The following DSN1 variants were observed in gnomAD, a reference collection of about 807,000 sequenced individuals.
The protein encoded by DSN1 is DSN1 component of MIS12 kinetochore complex.
In DSN1, 31 loss-of-function variants were observed where a neutral mutation model predicts 45.7. The ratio of observed to expected loss-of-function variants is 0.68; its 90% confidence interval spans 0.51 to 0.92. DSN1 has a LOEUF of 0.92. Among genes scored for constraint, DSN1 ranks in the 40% least tolerant of loss-of-function variants. DSN1 has a pLI of 0.00. For missense variants in DSN1, 394 were observed against 414.2 expected (o/e 0.95, Z 0.42); for synonymous variants, 134 against 142.3 (o/e 0.94, Z 0.41).
At chr20:36,771,214 G>T in intron 2 of DSN1, 21 bp from the exon 3 acceptor site, 1 of 1,567,256 alleles carries the variant, frequency 6.4e-7, no homozygotes, top group Non-Finnish European at 8.6e-7. Context: ...TTATAAAAAA[G>T]TCAAAATACA....
At chr20:36,767,677 G>T (rs754308429) in intron 4 of DSN1, among the ~76,000 whole-genome samples, 28 of 152,228 alleles carry the variant, frequency 1.8e-4, no homozygotes, top group Non-Finnish European at 3.1e-4. Flanking sequence ...GCCGAGGCAG[G>T]CGGATCAGGA....
intron 4 of DSN1, among the ~76,000 whole-genome samples, chr20:36,767,379 G>A (rs1369340243): frequency 3.3e-5 from 5 of 150,646 alleles, no homozygotes; most frequent in African/African-American, 9.7e-5. Context: ...TTTGACTTTC[G>A]GTTCAGGAAA....
chr20:36,758,229 A>G (rs567036847), intron 7 of DSN1, 68 bp from the exon 8 acceptor site: 139 of 1,404,190 alleles, frequency 9.9e-5, no homozygotes, highest in Middle Eastern at 1.8e-4. Flanking sequence ...CACAGTAACA[A>G]TAAGTATGTG....
intron 6 of DSN1, among the ~76,000 whole-genome samples, 186 bp downstream of exon 6, chr20:36,762,275 T>C (rs56024251): frequency 0.041 from 6,236 of 151,474 alleles, 214 homozygotes; most frequent in Non-Finnish European, 0.072. Context: ...CCTGGCTAAT[T>C]TTTTATTTTT....
Position 36,752,656 on chromosome 20 carries a change from C to A in DSN1, c.*132G>T. On this transcript the variant is annotated 3_prime_UTR_variant, in exon 11 of 11. Transcript: ENST00000373750. ...AATTCCATCACTTTTTGAAAAAAGT[C>A]AAAGTGTTCTACAGTCAGTCCTGCC... The A allele has an allele frequency of 1.5e-6, 1 of 647,804 alleles. No homozygotes were observed. The highest frequency in any genetic ancestry group is 2.7e-5 in the East Asian group (1 of 37,632). 40.1% of individuals were successfully genotyped at this position (647,804 alleles called of 1,614,324 possible). A position where few individuals can be genotyped will look rare whatever the true frequency, so the allele number is the denominator to read the frequency against.
intron 5 of DSN1, among the ~76,000 whole-genome samples, chr20:36,763,419 A>C (rs897278638): frequency 1.1e-4 from 17 of 149,310 alleles, no homozygotes; most frequent in African/African-American, 4.2e-4. Context: ...AGAAAAAAAA[A>C]AAAAAAAAAA....
Position 36,765,247 on chromosome 20 carries a change from T to TAAAAAAAA in DSN1, c.502+1514_502+1521dup, listed in dbSNP as rs33998027. On this transcript the variant is annotated intron_variant, in intron 5 of 10. Coordinates refer to ENST00000373750, the MANE Select transcript of DSN1 (RefSeq NM_001145315.2). ...TGCATACGTGCCAAAAGGCTTGTGTTAAAAAAAAAAAAAAAAAAAAAAAAA... is the reference window on the plus strand; with the variant it reads ...TGCATACGTGCCAAAAGGCTTGTGTTAAAAAAAAAAAAAAAAAAAAAAAAAAAAAAAAA... 1.3e-4 allele frequency among the ~76,000 whole-genome samples: 10 copies of TAAAAAAAA among 75,276 alleles called. 2 individuals are homozygous for TAAAAAAAA. Among genetic ancestry groups the TAAAAAAAA allele is most frequent in the African/African-American group, 5.9e-4 (10 of 17,078 alleles). The allele number at this position is 75,276 out of a possible 152,430, so 49.4% of individuals were successfully genotyped here. A position where few individuals can be genotyped will look rare whatever the true frequency, so the allele number is the denominator to read the frequency against.
At chr20:36,767,924 G>A in intron 4 of DSN1, 45 bp downstream of exon 4, 1 of 1,569,046 alleles carries the variant, frequency 6.4e-7, no homozygotes, top group East Asian at 2.2e-5. Context: ...TGTCACAATA[G>A]CAGTTAACAA....
chr20:36,772,821 G>A (rs1987721397), intron 1 of DSN1, among the ~76,000 whole-genome samples: 1 of 152,240 alleles, frequency 6.6e-6, no homozygotes, highest in African/African-American at 2.4e-5. Context: ...TGGTGGTTAT[G>A]CCCCTTGGCC....
intron 7 of DSN1, among the ~76,000 whole-genome samples, 185 bp from the exon 8 acceptor site, chr20:36,758,346 T>A (rs1986786446): frequency 6.6e-6 from 1 of 152,230 alleles, no homozygotes; most frequent in African/African-American, 2.4e-5. Flanking sequence ...GTTCTTCAAG[T>A]CAAATTAATA....
At chr20:36,754,560 T>C (rs1218052482) in intron 10 of DSN1, among the ~76,000 whole-genome samples, 3 of 152,214 alleles carry the variant, frequency 2.0e-5, no homozygotes, top group Admixed American at 1.3e-4. Context: ...ATTCTCAGTC[T>C]ACTGTGCTTC....
intron 8 of DSN1, 120 bp downstream of exon 8, chr20:36,757,967 G>A: frequency 1.1e-6 from 1 of 930,256 alleles, no homozygotes; most frequent in Non-Finnish European, 1.7e-6. Flanking sequence ...TACAGAATTT[G>A]ATGAGCTTAT....
intron 6 of DSN1, among the ~76,000 whole-genome samples, chr20:36,761,562 C>T (rs1019884250): frequency 3.3e-5 from 5 of 151,566 alleles, no homozygotes; most frequent in Non-Finnish European, 7.4e-5. Flanking sequence ...GGAGACCCCG[C>T]CTTTAAAATT....
At position 36,763,729 on chromosome 20, in the gene DSN1, A is replaced by T. The variant is rs1987145269; in HGVS notation, c.503-1181T>A. On this transcript the variant is annotated intron_variant, in intron 5 of 10. Transcript: ENST00000373750. The stretch of plus-strand genomic sequence containing the variant: ...TGGTGAAACCCCATCTCTACTAAAA[A>T]TACAAAAATTAGCTGGGCGTGGTTG... Among the ~76,000 whole-genome samples the T allele has an allele frequency of 5.3e-5, 8 of 151,708 alleles. No homozygotes were observed. In the South Asian group the frequency reaches 1.5e-3, roughly 28 times the overall value.
rs77540213 is a variant in DSN1 at position 36,769,861 on chromosome 20, C to T, written c.355+1012G>A. Reference sequence around the variant, plus strand: ...AATTCACACAAAATGACACAAATCACGTTCTGTATAGCATCCCTAAAAACT... The same window carrying T: ...AATTCACACAAAATGACACAAATCATGTTCTGTATAGCATCCCTAAAAACT... On this transcript the variant is annotated intron_variant, in intron 3 of 10. Coordinates refer to ENST00000373750, the MANE Select transcript of DSN1 (RefSeq NM_001145315.2). Among the ~76,000 whole-genome samples the T allele has an allele frequency of 6.5e-3, 974 of 149,606 alleles. 13 individuals are homozygous for T. The highest frequency in any genetic ancestry group is 0.023 in the African/African-American group (916 of 40,658).
intron 10 of DSN1, among the ~76,000 whole-genome samples, chr20:36,753,446 T>G (rs1208335990): frequency 6.6e-6 from 1 of 151,132 alleles, no homozygotes; most frequent in African/African-American, 2.4e-5. Context: ...AAGACCAGCC[T>G]GACCAACATG....
At chr20:36,756,856 T>C (rs931144203) in intron 8 of DSN1, among the ~76,000 whole-genome samples, 5 of 152,080 alleles carry the variant, frequency 3.3e-5, no homozygotes, top group African/African-American at 1.2e-4. Context: ...ATAAATACAG[T>C]ATGTAAGGGG....
chr20:36,767,177 C>T (rs907235538), intron 4 of DSN1, among the ~76,000 whole-genome samples: 64 of 151,462 alleles, frequency 4.2e-4, no homozygotes, highest in Non-Finnish European at 7.5e-4. Flanking sequence ...CATGGTGGCG[C>T]GTGCCTGTAG....
intron 5 of DSN1, among the ~76,000 whole-genome samples, chr20:36,765,662 G>A (rs1221063698): frequency 6.6e-6 from 1 of 151,884 alleles, no homozygotes; most frequent in East Asian, 1.9e-4. Flanking sequence ...GCCGGGCGCA[G>A]TGGCCGACGC....
Sources: allele counts gnomAD v4.1 joint callset (sites outside exome capture counted in the v4.1 genomes callset), GRCh38; gene constraint gnomAD v4.1.1; transcripts MANE v1.5; gene names NCBI Gene and HGNC (gene_info 2026-07-23, HGNC 2026-07-21).